GABRB1: variants seen among roughly 807,000 people sequenced by gnomAD.
GABRB1 encodes the protein gamma-aminobutyric acid type A receptor subunit beta1, also known as gamma-aminobutyric acid receptor subunit beta-1.
In GABRB1, 17 loss-of-function variants were observed where a neutral mutation model predicts 51.6. The ratio of observed to expected loss-of-function variants is 0.33; its 90% CI spans 0.23 to 0.49. GABRB1 has a LOEUF of 0.49. GABRB1 is among the 20% of genes least tolerant of loss of function. The pLI is 0.99. For synonymous variants in GABRB1, 247 were observed against 218.9 expected (o/e 1.13, Z -1.14); for missense variants, 410 against 600.6 (o/e 0.68, Z 3.32).
At chr4:47,033,825 C>G (rs966914246) in intron 3 of GABRB1, among the ~76,000 whole-genome samples, 8 of 152,226 alleles carry the variant, frequency 5.3e-5, no homozygotes, top group African/African-American at 1.7e-4. Flanking sequence ...TTGTAAATGT[C>G]TCTGATTGTC....
chr4:47,042,454 A>G (rs1244260597), intron 3 of GABRB1, among the ~76,000 whole-genome samples: 1 of 134,704 alleles, frequency 7.4e-6, no homozygotes. Context: ...TACGTGTGTG[A>G]GTATGTGCAC....
intron 4 of GABRB1, among the ~76,000 whole-genome samples, chr4:47,317,490 C>T (rs1398965909): frequency 6.6e-6 from 1 of 151,532 alleles, no homozygotes; most frequent in African/African-American, 2.4e-5. Context: ...TTTTAGACAA[C>T]AAAAGATACA....
At chr4:47,100,109 T>G (rs1714656739) in intron 3 of GABRB1, among the ~76,000 whole-genome samples, 1 of 152,050 alleles carries the variant, frequency 6.6e-6, no homozygotes, top group African/African-American at 2.4e-5. Context: ...AATGCTATTT[T>G]GCTTTATATT....
At chr4:47,036,119 A>G (rs2109477925) in intron 3 of GABRB1, among the ~76,000 whole-genome samples, 1 of 152,346 alleles carries the variant, frequency 6.6e-6, no homozygotes, top group Admixed American at 6.5e-5. Context: ...GAATGAGTAT[A>G]ACAGTGAATG....
chr4:47,195,945 T>C (rs1282620034), intron 4 of GABRB1, among the ~76,000 whole-genome samples: 2 of 152,248 alleles, frequency 1.3e-5, no homozygotes, highest in Non-Finnish European at 2.9e-5. Context: ...TTCTGTGATA[T>C]AGAGTGAATA....
intron 4 of GABRB1, among the ~76,000 whole-genome samples, chr4:47,297,393 T>G (rs1442664815): frequency 2.1e-5 from 2 of 96,582 alleles, no homozygotes; most frequent in Non-Finnish European, 4.3e-5. Context: ...GAGAGAAGAA[T>G]CAAATAGACA....
At position 47,388,236 on chromosome 4, in the gene GABRB1, T is replaced by C. The variant is rs78813804; in HGVS notation, c.545-15082T>C. The stretch of plus-strand genomic sequence containing the variant: ...AACATGGAATGTGAATACATTTTAA[T>C]GTATTTGATATAATGCCTGGAGTCT... On this transcript the variant is annotated intron_variant, in intron 5 of 8. Coordinates refer to ENST00000295454, the MANE Select transcript of GABRB1 (RefSeq NM_000812.4). Among the ~76,000 whole-genome samples, 1,073 of 152,338 alleles carry C rather than the reference T, an allele frequency of 7.0e-3. 14 individuals carry two copies. Among genetic ancestry groups the C allele is most frequent in the African/African-American group, 0.025 (1,044 of 41,570 alleles).
chr4:47,048,519 G>A (rs760383506), intron 3 of GABRB1, among the ~76,000 whole-genome samples: 22 of 152,092 alleles, frequency 1.4e-4, no homozygotes, highest in Non-Finnish European at 2.8e-4. Flanking sequence ...CAATTTAAGC[G>A]TGATGCATTC....
intron 4 of GABRB1, among the ~76,000 whole-genome samples, chr4:47,207,568 G>A (rs1720187524): frequency 2.0e-5 from 3 of 151,872 alleles, no homozygotes; most frequent in Admixed American, 6.6e-5. Flanking sequence ...ATTGACCAAC[G>A]GTAACCCTTT....
intron 3 of GABRB1, among the ~76,000 whole-genome samples, chr4:47,039,161 A>T (rs887858153): frequency 6.6e-6 from 1 of 151,734 alleles, no homozygotes; most frequent in Non-Finnish European, 1.5e-5. Flanking sequence ...TGAAAGATGC[A>T]TTTTTTATCT....
chr4:47,246,822 A>G (rs1237244197), intron 4 of GABRB1, among the ~76,000 whole-genome samples: 2 of 151,896 alleles, frequency 1.3e-5, no homozygotes, highest in Non-Finnish European at 2.9e-5. Context: ...CCATTAGTAT[A>G]TCATCTTTGG....
In GABRB1 at chr4:47,426,202, A is replaced by T. The variant is rs1332592106; in HGVS notation, c.*184A>T. 2 of 486,944 alleles carry T rather than the reference A, an allele frequency of 4.1e-6. No individual in the cohort carries two copies. Among genetic ancestry groups the T allele is most frequent in the Non-Finnish European group, 7.1e-6 (2 of 282,530 alleles). 30.2% of individuals were successfully genotyped at this position (486,944 alleles called of 1,614,324 possible). On this transcript the variant is annotated 3_prime_UTR_variant, in exon 9 of 9. Transcript: ENST00000295454. The stretch of plus-strand genomic sequence containing the variant: ...ACTTCAAAAAGACAAAACAAAAAAA[A>T]AATTATTTTTCCAGTCTACCGTGGT...
intron 3 of GABRB1, among the ~76,000 whole-genome samples, chr4:47,150,159 T>C (rs988134663): frequency 1.3e-5 from 2 of 148,494 alleles, no homozygotes; most frequent in African/African-American, 2.5e-5. Context: ...TACCAGTACC[T>C]ATGCTTATAC....
chr4:47,413,531 GA>G (rs1728825921), intron 8 of GABRB1, among the ~76,000 whole-genome samples: 1 of 152,074 alleles, frequency 6.6e-6, no homozygotes, highest in Non-Finnish European at 1.5e-5. Flanking sequence ...ATATAAAAAA[GA>G]CTATTAATTT....
At position 47,095,998 on chromosome 4, in the gene GABRB1, C is replaced by T. The variant is rs530973477; in HGVS notation, c.240+63514C>T. On this transcript the variant is annotated intron_variant, in intron 3 of 8. Transcript: ENST00000295454. ...ACAAGTATCTCACTTCTTTATTGAT[C>T]CCATCTTCCTTCTATTTTAAGGACT... Among the ~76,000 whole-genome samples the T allele has an allele frequency of 3.3e-5, 5 of 152,232 alleles. No individual in the cohort carries two copies. The South Asian group carries it at 6.2e-4, about 19-fold the overall frequency.
chr4:47,018,168 TTTC>T (rs1422402794), intron 1 of GABRB1, among the ~76,000 whole-genome samples: 3 of 151,412 alleles, frequency 2.0e-5, no homozygotes, highest in African/African-American at 4.9e-5. Flanking sequence ...CCTCCTCCTT[TTTC>T]TTCTTCTCTT....
At chr4:47,166,531 T>C (rs749193081) in intron 4 of GABRB1, among the ~76,000 whole-genome samples, 1 of 152,152 alleles carries the variant, frequency 6.6e-6, no homozygotes, top group Non-Finnish European at 1.5e-5. Flanking sequence ...ATTGTAAAAA[T>C]AAAGACCTAT....
chr4:47,151,805 A>AT (rs985785847), intron 3 of GABRB1, among the ~76,000 whole-genome samples: 22 of 151,896 alleles, frequency 1.4e-4, no homozygotes, highest in Non-Finnish European at 2.5e-4. Flanking sequence ...AATCAATTTA[A>AT]TTTTTTTGTT....
chr4:47,184,890 G>A (rs1719108276), intron 4 of GABRB1, among the ~76,000 whole-genome samples: 1 of 151,738 alleles, frequency 6.6e-6, no homozygotes, highest in South Asian at 2.1e-4. Flanking sequence ...TATCTTTTAG[G>A]CAGAGTAGCT....
Sources: allele counts gnomAD v4.1 joint callset (sites outside exome capture counted in the v4.1 genomes callset), GRCh38; gene constraint gnomAD v4.1.1; transcripts MANE v1.5; gene names NCBI Gene and HGNC (gene_info 2026-07-23, HGNC 2026-07-21).